The following NR6A1 variants were observed in gnomAD, a reference collection of about 807,000 sequenced individuals.
NR6A1 encodes retinoic acid receptor-related testis-associated receptor.
Under a neutral mutation model 59.1 loss-of-function variants are expected in NR6A1, and 7 were observed. That is an observed-to-expected ratio of 0.12 (90% CI 0.07 to 0.22). The LOEUF is 0.22. Ranked by LOEUF, NR6A1 falls within the 10% of genes least tolerant of loss-of-function variation. The pLI is 1.00. For synonymous variants in NR6A1, 243 were observed against 236.1 expected (o/e 1.03, Z -0.27); for missense variants, 468 against 611.6 (o/e 0.77, Z 2.48).
chr9:124,613,470 G>A (rs1362965918), intron 2 of NR6A1, among the ~76,000 whole-genome samples: 1 of 152,030 alleles, frequency 6.6e-6, no homozygotes, highest in Non-Finnish European at 1.5e-5. Flanking sequence ...AACATGACAA[G>A]ACCGTCTCTA....
chr9:124,562,372 T>C (rs1834107331), intron 2 of NR6A1, among the ~76,000 whole-genome samples: 1 of 152,212 alleles, frequency 6.6e-6, no homozygotes, highest in East Asian at 1.9e-4. Context: ...AAAGGTAACA[T>C]GCTTGGTCTT....
At chr9:124,590,725 G>C (rs1811557944) in intron 2 of NR6A1, among the ~76,000 whole-genome samples, 1 of 152,212 alleles carries the variant, frequency 6.6e-6, no homozygotes, top group Non-Finnish European at 1.5e-5. Flanking sequence ...TGATTAGCAT[G>C]CTAACAACAT....
At chr9:124,710,040 C>T (rs1839231660) in intron 2 of NR6A1, among the ~76,000 whole-genome samples, 2 of 151,824 alleles carry the variant, frequency 1.3e-5, no homozygotes, top group East Asian at 3.9e-4. Context: ...TGAACTACTC[C>T]AGAGAAAAGA....
chr9:124,648,390 A>C (rs1476358397), intron 2 of NR6A1, among the ~76,000 whole-genome samples: 1 of 152,222 alleles, frequency 6.6e-6, no homozygotes, highest in Admixed American at 6.5e-5. Context: ...GCTAAAAAGT[A>C]TTTAATAAAA....
At chr9:124,614,548 G>A (rs935723968) in intron 2 of NR6A1, among the ~76,000 whole-genome samples, 2 of 152,138 alleles carry the variant, frequency 1.3e-5, no homozygotes, top group African/African-American at 4.8e-5. Flanking sequence ...GGTGATGGCA[G>A]GTTTGTGGCA....
At chr9:124,565,555 G>T (rs1834215398) in intron 2 of NR6A1, among the ~76,000 whole-genome samples, 1 of 152,162 alleles carries the variant, frequency 6.6e-6, no homozygotes, top group Non-Finnish European at 1.5e-5. Flanking sequence ...GCAAGCCACA[G>T]CATGGGAGAA....
chr9:124,641,305 G>A (rs1836761215), intron 2 of NR6A1, among the ~76,000 whole-genome samples: 1 of 149,534 alleles, frequency 6.7e-6, no homozygotes, highest in Admixed American at 6.6e-5. Flanking sequence ...GTTGCCGTGA[G>A]CCGAGATCAC....
At chr9:124,639,741 CTGAG>C (rs1836718873) in intron 2 of NR6A1, among the ~76,000 whole-genome samples, 1 of 152,170 alleles carries the variant, frequency 6.6e-6, no homozygotes, top group African/African-American at 2.4e-5. Context: ...TGCTGAGAGG[CTGAG>C]TAAGATGAGC....
At chr9:124,541,452 G>GT (rs1216521142) in intron 4 of NR6A1, among the ~76,000 whole-genome samples, 1 of 152,004 alleles carries the variant, frequency 6.6e-6, no homozygotes, top group Non-Finnish European at 1.5e-5. Context: ...TATGTCTGTT[G>GT]TATGTAAAAG....
At chr9:124,723,348 G>T (rs1379757745) in intron 2 of NR6A1, among the ~76,000 whole-genome samples, 1 of 152,180 alleles carries the variant, frequency 6.6e-6, no homozygotes, top group African/African-American at 2.4e-5. Flanking sequence ...GTTGGCAGAT[G>T]GTCATTTGGG....
intron 2 of NR6A1, among the ~76,000 whole-genome samples, chr9:124,624,914 T>G (rs1836189892): frequency 6.7e-6 from 1 of 148,948 alleles, no homozygotes; most frequent in Non-Finnish European, 1.5e-5. Context: ...GCTAGCTTGT[T>G]TTTTTTTTTT....
chr9:124,591,309 C>T (rs1362518169), intron 2 of NR6A1, among the ~76,000 whole-genome samples: 1 of 152,204 alleles, frequency 6.6e-6, no homozygotes, highest in African/African-American at 2.4e-5. Context: ...CATAGCGGTC[C>T]TGTGAGATAG....
chr9:124,681,345 T>C (rs1838149706), intron 2 of NR6A1, among the ~76,000 whole-genome samples: 1 of 147,326 alleles, frequency 6.8e-6, no homozygotes, highest in African/African-American at 2.5e-5. Flanking sequence ...GAGCTTTTTT[T>C]TTTTTTTTTT....
In NR6A1 at chr9:124,687,284, C is replaced by CTAATTAATTAAT. The variant is rs1428455082; in HGVS notation, c.142+46023_142+46024insATTAATTAATTA. On this transcript the variant is annotated intron_variant, in intron 2 of 9. Coordinates refer to ENST00000487099, the MANE Select transcript of NR6A1 (RefSeq NM_033334.4). ...TACAGGCACATGCCACCACAGCCAG[C>CTAATTAATTAAT]TAATTAATTATTTATTTATTTATTT... is the stretch of plus-strand genomic sequence containing the variant. Among the ~76,000 whole-genome samples the CTAATTAATTAAT allele has an allele frequency of 3.6e-3, 487 of 136,048 alleles. 6 individuals are homozygous for CTAATTAATTAAT. The highest frequency in any genetic ancestry group is 0.013 in the African/African-American group (435 of 32,954). 89.3% of individuals were successfully genotyped at this position (136,048 alleles called of 152,430 possible).
At chr9:124,770,514 C>G (rs1367834554) in intron 1 of NR6A1, among the ~76,000 whole-genome samples, 2 of 151,090 alleles carry the variant, frequency 1.3e-5, no homozygotes, top group Non-Finnish European at 3.0e-5. Flanking sequence ...AGGGAGCGTC[C>G]TCGGTGGGAG....
chr9:124,697,841 T>C (rs1190962274), intron 2 of NR6A1, among the ~76,000 whole-genome samples: 1 of 152,230 alleles, frequency 6.6e-6, no homozygotes, highest in Admixed American at 6.5e-5. Flanking sequence ...AGCAAATTAC[T>C]TAACCTTTAA....
intron 2 of NR6A1, chr9:124,598,740 C>T: frequency 1.1e-6 from 1 of 917,534 alleles, no homozygotes; most frequent in Non-Finnish European, 1.7e-6. Flanking sequence ...TTGGTCTTCT[C>T]CCTTCTCCTT....
At chr9:124,690,999 G>A (rs1290609588) in intron 2 of NR6A1, among the ~76,000 whole-genome samples, 1 of 152,122 alleles carries the variant, frequency 6.6e-6, no homozygotes, top group African/African-American at 2.4e-5. Context: ...ATAATATTTT[G>A]TAAGCATCTA....
chr9:124,574,103 C>T (rs892939105), intron 2 of NR6A1, among the ~76,000 whole-genome samples: 1 of 152,172 alleles, frequency 6.6e-6, no homozygotes, highest in African/African-American at 2.4e-5. Flanking sequence ...CAGACATTAA[C>T]CTTTTCTCTC....
Sources: gnomAD v4.1 joint callset for allele counts (sites outside exome capture counted in the v4.1 genomes callset) on GRCh38, gnomAD v4.1.1 for gene constraint, MANE v1.5 for transcripts, NCBI Gene and HGNC (gene_info 2026-07-23, HGNC 2026-07-21) for gene names.